P2RX6: variants seen among roughly 807,000 people sequenced by gnomAD.
P2RX6 encodes the protein purinergic receptor P2X 6, also known as P2X purinoceptor 6.
Under a neutral mutation model 54.2 loss-of-function variants are expected in P2RX6, and 62 were observed. That is an observed-to-expected ratio of 1.14 (90% confidence interval 0.93 to 1.41). The LOEUF is 1.41. P2RX6 is among the 40% of genes most tolerant of loss of function. The pLI, the probability that P2RX6 is intolerant of heterozygous loss-of-function variation, is 0.00. For missense variants in P2RX6, 541 were observed against 566.3 expected, an observed-to-expected ratio of 0.96 and a Z score of 0.45; for synonymous variants, 211 against 231.9, an observed-to-expected ratio of 0.91 and a Z score of 0.82.
At chr22:21,015,499 A>G (rs1311960815) in intron 1 of P2RX6, among the ~76,000 whole-genome samples, 161 bp downstream of exon 1, 3 of 152,098 alleles carry the variant, frequency 2.0e-5, no homozygotes, top group African/African-American at 7.2e-5. Flanking sequence ...GATACAAGAC[A>G]GGAGAGCAAG....
upstream of P2RX6, among the ~76,000 whole-genome samples, chr22:21,011,994 T>C (rs1371012476): frequency 1.3e-5 from 2 of 152,166 alleles, no homozygotes; most frequent in Non-Finnish European, 2.9e-5. Flanking sequence ...GGTCACACAC[T>C]CTGCTGATCA....
upstream of P2RX6, among the ~76,000 whole-genome samples, chr22:21,010,736 A>G (rs1925694122): frequency 6.6e-6 from 1 of 152,112 alleles, no homozygotes; most frequent in Admixed American, 6.6e-5. Context: ...AAGGAATCCC[A>G]ACCATGTCTT....
At chr22:21,025,412 CT>C (rs1435153270) in intron 8 of P2RX6, among the ~76,000 whole-genome samples, 2 of 152,130 alleles carry the variant, frequency 1.3e-5, no homozygotes, top group Non-Finnish European at 2.9e-5. Context: ...TCCTGTTCCC[CT>C]GACCTCTGTG....
upstream of P2RX6, chr22:21,012,490 C>G (rs6005250): frequency 1.3e-3 from 684 of 532,736 alleles, 8 homozygotes; most frequent in African/African-American, 0.012. Flanking sequence ...AAAGGGAGGA[C>G]TCACGCCTGC....
At chr22:21,023,981 A>C in intron 8 of P2RX6, among the ~76,000 whole-genome samples, 1 of 149,522 alleles carries the variant, frequency 6.7e-6, no homozygotes. Flanking sequence ...TTTAAGACAG[A>C]ATCTCATTCT....
At chr22:21,020,009 A>G (rs1370327016) in intron 3 of P2RX6, among the ~76,000 whole-genome samples, 1 of 152,182 alleles carries the variant, frequency 6.6e-6, no homozygotes, top group Non-Finnish European at 1.5e-5. Flanking sequence ...TATCACAAAC[A>G]TGTCACAGTG....
rs750820425 is a variant in P2RX6 at position 21,023,379 on chromosome 22, C to T, written c.743C>T (p.Ala248Val). The T allele has an allele frequency of 1.2e-6, 2 of 1,614,016 alleles. No individual in the cohort carries two copies. Among genetic ancestry groups the T allele is most frequent in the South Asian group, 1.1e-5 (1 of 91,086 alleles). ...GTGTTCCGCATTGGGGACCTCGTGG[C>T]CAAGGCTGGAGGGACCTTCGAGGAC... ...CPVFRIGDLV[A>V]KAGGTFEDLA... The change falls in exon 7 of 12, where the codon GCC (alanine) becomes GTC (valine). Residue 248 changes from alanine to valine, a missense_variant. Around this residue, in one of 2 missense-constraint regions of P2RX6, gnomAD observed 526 missense variants for 531.5 expected, o/e 0.99. Coordinates refer to ENST00000413302, the MANE Select transcript of P2RX6 (RefSeq NM_005446.5).
chr22:21,025,884 C>T lies in P2RX6; in HGVS notation c.970C>T (p.Leu324Phe), dbSNP rs1306790086. ...LKLYGIRFDI[L>F]VTGQAGKFGL... Reference sequence around the variant, plus strand: ...GCTCTATGGAATCCGCTTCGACATCCTCGTCACCGGGCAGGTAGGCACAGG... The same window carrying T: ...GCTCTATGGAATCCGCTTCGACATCTTCGTCACCGGGCAGGTAGGCACAGG... Residue 324 changes from leucine to phenylalanine, a missense_variant, in exon 9 of 12, where the codon CTC becomes TTC. Leu to Phe is a conservative substitution (Grantham distance 22, BLOSUM62 0). Around this residue, in one of 2 missense-constraint regions of P2RX6, gnomAD observed 526 missense variants for 531.5 expected, o/e 0.99. Coordinates refer to ENST00000413302, the MANE Select transcript of P2RX6 (RefSeq NM_005446.5). 3.8e-6 allele frequency: 6 copies of T among 1,577,134 alleles called. No individual in the cohort carries two copies. The highest frequency in any genetic ancestry group is 5.2e-6 in the Non-Finnish European group (6 of 1,161,964).
Position 21,026,048 on chromosome 22 carries a change from T to C in P2RX6, c.1022T>C (p.Leu341Pro). The C allele has an allele frequency of 6.2e-7, 1 of 1,611,976 alleles. No individual in the cohort carries two copies. Among genetic ancestry groups the C allele is most frequent in the Non-Finnish European group, 8.5e-7 (1 of 1,179,354 alleles). ...KFGLIPTAVTLGTGAAWLGVV... is the reference protein window; with the variant it reads ...KFGLIPTAVTPGTGAAWLGVV... ...GGGCTCATCCCCACGGCCGTCACAC[T>C]GGGCACCGGGGCAGCTTGGCTGGGC... The change falls in exon 10 of 12, where the codon CTG (leucine) becomes CCG (proline). Residue 341 changes from leucine to proline, a missense_variant. By Grantham distance (98) the Leu-to-Pro change is moderately conservative. This residue lies in a region of P2RX6 where 526 missense variants were observed against 531.5 expected (regional missense o/e 0.99). Coordinates refer to ENST00000413302, the MANE Select transcript of P2RX6 (RefSeq NM_005446.5). The surrounding 1 kb of genome is among the most constrained non-coding windows in gnomAD (Gnocchi z 4.0).
chr22:21,026,171 T>G lies in P2RX6; in HGVS notation c.1051-81T>G. ...GCTGGAGCCTCCGGTGCCTGCACAT[T>G]GAGTCTCGGGGTGCAGGCTGGGGAG... On this transcript the variant is annotated intron_variant, in intron 10 of 11. Coordinates refer to ENST00000413302, the MANE Select transcript of P2RX6 (RefSeq NM_005446.5). The surrounding 1 kb of genome is among the most constrained non-coding windows in gnomAD (Gnocchi z 4.0). 1 of 1,522,614 alleles carries G rather than the reference T, an allele frequency of 6.6e-7. No homozygotes were observed. Among genetic ancestry groups the G allele is most frequent in the South Asian group, 1.2e-5 (1 of 84,500 alleles). 94.3% of individuals were successfully genotyped at this position (1,522,614 alleles called of 1,614,324 possible). A position where few individuals can be genotyped will look rare whatever the true frequency, so the allele number is the denominator to read the frequency against.
upstream of P2RX6, among the ~76,000 whole-genome samples, chr22:21,014,691 A>G (rs917545262): frequency 4.6e-5 from 7 of 152,096 alleles, no homozygotes; most frequent in African/African-American, 1.4e-4. Flanking sequence ...TGTGCCTCTT[A>G]GTTATCTTGC....
In P2RX6 at chr22:21,025,794, C is replaced by T. The variant is rs1215770805; in HGVS notation, c.891-11C>T. 6.4e-7 allele frequency: 1 copy of T among 1,551,396 alleles called. No individual in the cohort carries two copies. The highest frequency in any genetic ancestry group is 2.0e-5 in the Admixed American group (1 of 51,252). ...AAAGCAGGTCACCAGAGCCTTCTTT[C>T]CTGCCCACAGGACAGCCACTCACTG... On this transcript the variant is annotated splice_polypyrimidine_tract_variant and intron_variant, in intron 8 of 11. Transcript: ENST00000413302.
At position 21,025,736 on chromosome 22, in the gene P2RX6, G is replaced by A. The variant is rs527335618; in HGVS notation, c.891-69G>A. ...GAGTCAATTGACAAGTTGGACAGAG[G>A]TCTGGCAGGGCCAGCCCCACCTGGG... On this transcript the variant is annotated intron_variant, in intron 8 of 11. Transcript: ENST00000413302. The A allele has an allele frequency of 2.6e-5, 31 of 1,170,974 alleles. No homozygotes were observed. In the African/African-American group the frequency reaches 3.5e-4, roughly 13 times the overall value. The allele number at this position is 1,170,974 out of a possible 1,614,324, so 72.5% of individuals were successfully genotyped here.
chr22:21,023,166 C>A lies in P2RX6; in HGVS notation c.606C>A (p.Asn202Lys). The A allele has an allele frequency of 6.2e-7, 1 of 1,613,940 alleles. No homozygotes were observed. Among genetic ancestry groups the A allele is most frequent in the Non-Finnish European group, 8.5e-7 (1 of 1,179,862 alleles). ...QAQNFTLFIK[N>K]TVTFSKFNFS... is the part of the protein sequence containing the mutation. ...AGAACTTCACACTGTTCATCAAAAACACAGTCACCTTCAGCAAGTTCAACT... is the reference window on the plus strand; with the variant it reads ...AGAACTTCACACTGTTCATCAAAAAAACAGTCACCTTCAGCAAGTTCAACT... Residue 202 changes from asparagine (N) to lysine (K), a missense_variant, in exon 6 of 12, where the codon AAC (asparagine) becomes AAA (lysine). Physicochemically the swap from Asn to Lys is moderately conservative, Grantham distance 94. This residue lies in a region of P2RX6 where 526 missense variants were observed against 531.5 expected (regional missense o/e 0.99). Coordinates refer to ENST00000413302, the MANE Select transcript of P2RX6 (RefSeq NM_005446.5).
chr22:21,017,064 C>T (rs1569170493), intron 2 of P2RX6, among the ~76,000 whole-genome samples: 1 of 152,174 alleles, frequency 6.6e-6, no homozygotes, highest in Non-Finnish European at 1.5e-5. Context: ...ACTACCCATG[C>T]CATGCCATGC....
intron 1 of P2RX6, chr22:21,009,999 T>G (rs1925649102): frequency 6.6e-6 from 1 of 152,290 alleles, no homozygotes; most frequent in African/African-American, 2.4e-5. Context: ...GCAGGAAGAT[T>G]CTTTCTTCCA....
At chr22:21,015,880 C>G (rs1487642819) in intron 1 of P2RX6, 62 bp from the exon 2 acceptor site, 5 of 1,504,102 alleles carry the variant, frequency 3.3e-6, no homozygotes, top group Middle Eastern at 2.4e-4. Context: ...ATGTAGGGCT[C>G]AGCTCCGCCC....
chr22:21,026,438 ACCG>A lies in P2RX6; in HGVS notation c.1150_1152del (p.Ala384del). 6.2e-7 allele frequency: 1 copy of A among 1,602,462 alleles called. No homozygotes were observed. Among genetic ancestry groups the A allele is most frequent in the South Asian group, 1.1e-5 (1 of 88,522 alleles). On this transcript the variant is annotated inframe_deletion, in exon 12 of 12. Coordinates refer to ENST00000413302, the MANE Select transcript of P2RX6 (RefSeq NM_005446.5). The surrounding 1 kb of genome is among the most constrained non-coding windows in gnomAD (Gnocchi z 4.0). ...TCTGCAGGCCAAGGCCCCGAAAGCA[ACCG>A]CCAACTCTGTGTGGAGGGAGCTGGC...
Position 21,026,613 on chromosome 22 carries a change from T to A in P2RX6, c.1322T>A (p.Leu441Gln), listed in dbSNP as rs1263523674. The A allele has an allele frequency of 3.2e-6, 5 of 1,579,796 alleles. No individual in the cohort carries two copies. In the African/African-American group the frequency reaches 4.1e-5, roughly 13 times the overall value. The change falls in exon 12 of 12, where the codon CTG (leucine) becomes CAG (glutamine). Residue 441 changes from leucine to glutamine, a missense_variant. Coordinates refer to ENST00000413302, the MANE Select transcript of P2RX6 (RefSeq NM_005446.5). This position sits in a 1 kb window ranked among gnomAD's most constrained non-coding sequence, Gnocchi z 4.0. ...DTHLPTHSGS[L>Q] ...CACTTGCCAACCCATTCCGGGAGCC[T>A]GTAGCCGTTCCCTGCTGGTTGAGAG... is the stretch of plus-strand genomic sequence containing the variant.
Sources: allele counts gnomAD v4.1 joint callset (sites outside exome capture counted in the v4.1 genomes callset), GRCh38; gene constraint gnomAD v4.1.1; regional missense constraint gnomAD v4.1.1; non-coding constraint Gnocchi (gnomAD v3.1); transcripts MANE v1.5; gene names NCBI Gene and HGNC (gene_info 2026-07-23, HGNC 2026-07-21).